ATF7IP: variants seen among roughly 807,000 people sequenced by gnomAD.
ATF7IP encodes the protein activating transcription factor 7 interacting protein.
Under a neutral mutation model 106.4 loss-of-function variants are expected in ATF7IP, and 23 were observed. That is an observed-to-expected ratio of 0.22 (90% CI 0.16 to 0.31). The LOEUF (loss-of-function observed/expected upper bound fraction) is 0.31, where lower values mean the gene tolerates loss of function less well. Ranked by LOEUF, ATF7IP falls within the 10% of genes least tolerant of loss-of-function variation. ATF7IP has a pLI of 1.00. For missense variants in ATF7IP, 1,334 were observed against 1,524.3 expected, an observed-to-expected ratio of 0.88 and a Z score of 2.08; for synonymous variants, 542 against 539.0, an observed-to-expected ratio of 1.01 and a Z score of -0.08.
intron 5 of ATF7IP, among the ~76,000 whole-genome samples, chr12:14,446,003 TTTTG>T (rs1591878295): frequency 6.6e-6 from 1 of 152,170 alleles, no homozygotes; most frequent in East Asian, 1.9e-4. Flanking sequence ...TTATTTTTCT[TTTTG>T]TTCTGCTTTT....
intron 13 of ATF7IP, among the ~76,000 whole-genome samples, chr12:14,485,421 C>G (rs1944570055): frequency 6.6e-6 from 1 of 152,110 alleles, no homozygotes; most frequent in Non-Finnish European, 1.5e-5. Context: ...TAGAAGGTCC[C>G]TGCATTTAGT....
At chr12:14,494,067 C>T (rs1038320722) in intron 13 of ATF7IP, among the ~76,000 whole-genome samples, 1 of 151,662 alleles carries the variant, frequency 6.6e-6, no homozygotes, top group African/African-American at 2.4e-5. Flanking sequence ...ATTTATTTTG[C>T]ATAACCCTCT....
intron 1 of ATF7IP, among the ~76,000 whole-genome samples, chr12:14,388,164 C>G (rs950104578): frequency 1.5e-4 from 23 of 152,008 alleles, no homozygotes; most frequent in Non-Finnish European, 1.3e-4. Context: ...ATTCTCCTGT[C>G]TCAGCCTCCC....
At chr12:14,445,135 C>T (rs367682042) in intron 5 of ATF7IP, among the ~76,000 whole-genome samples, 9 of 151,636 alleles carry the variant, frequency 5.9e-5, no homozygotes, top group South Asian at 2.1e-4. Context: ...GGACTACAGG[C>T]GCGCGCCACC....
At chr12:14,431,498 G>A (rs976504825) in intron 2 of ATF7IP, among the ~76,000 whole-genome samples, 1 of 151,614 alleles carries the variant, frequency 6.6e-6, no homozygotes, top group Non-Finnish European at 1.5e-5. Flanking sequence ...GGGTTCAAGC[G>A]ACTCTCCTGT....
intron 1 of ATF7IP, among the ~76,000 whole-genome samples, chr12:14,393,922 G>T (rs1300556793): frequency 6.6e-6 from 1 of 152,168 alleles, no homozygotes; most frequent in Non-Finnish European, 1.5e-5. Flanking sequence ...GATCTGGCCA[G>T]TAAAAACAAT....
intron 10 of ATF7IP, among the ~76,000 whole-genome samples, chr12:14,468,126 G>C: frequency 6.6e-6 from 1 of 151,968 alleles, no homozygotes; most frequent in East Asian, 1.9e-4. Context: ...AATTTGCCTG[G>C]TGTGGTGACG....
Position 14,460,875 on chromosome 12 carries a change from G to A in ATF7IP, c.2539G>A (p.Val847Ile), listed in dbSNP as rs781501049. The change falls in exon 9 of 15, where the codon GTT (valine) becomes ATT (isoleucine). Residue 847 changes from valine (V) to isoleucine (I), a missense_variant. By Grantham distance (29) the Val-to-Ile change is conservative (BLOSUM62 3). This residue lies in a region of ATF7IP where 370 missense variants were observed against 401.2 expected (regional missense o/e 0.92). Coordinates refer to ENST00000261168, the MANE Select transcript of ATF7IP (RefSeq NM_018179.5). Reference sequence around the variant, plus strand: ...GCCAAATCCCACTAAACCAAACAACGTTCCTTCTGTGCCCAGTCCTAGTAT... The same window carrying A: ...GCCAAATCCCACTAAACCAAACAACATTCCTTCTGTGCCCAGTCCTAGTAT... ...SLPNPTKPNN[V>I]PSVPSPSIQR... is the part of the protein sequence containing the mutation. 2.1e-5 allele frequency: 34 copies of A among 1,614,080 alleles called. No homozygotes were observed. In the Middle Eastern group the frequency reaches 8.2e-4, roughly 39 times the overall value.
chr12:14,463,375 A>G (rs796852236), intron 9 of ATF7IP, among the ~76,000 whole-genome samples: 7 of 152,298 alleles, frequency 4.6e-5, no homozygotes, highest in African/African-American at 1.4e-4. Flanking sequence ...AGCTCAAACT[A>G]TAGCTAATTT....
chr12:14,388,487 C>T (rs1379856034), intron 1 of ATF7IP, among the ~76,000 whole-genome samples: 1 of 152,100 alleles, frequency 6.6e-6, no homozygotes, highest in East Asian at 1.9e-4. Context: ...GCTGACATTA[C>T]AGGCGCCCAT....
chr12:14,476,009 A>AT (rs752415053), intron 11 of ATF7IP, 41 bp downstream of exon 11: 71 of 1,468,930 alleles, frequency 4.8e-5, no homozygotes, highest in Middle Eastern at 1.7e-4. Context: ...TTTTGATACC[A>AT]TTTTTTTTGT....
chr12:14,470,322 G>A (rs937057961), intron 10 of ATF7IP, among the ~76,000 whole-genome samples: 1 of 152,092 alleles, frequency 6.6e-6, no homozygotes, highest in African/African-American at 2.4e-5. Context: ...GGTCGTTTTG[G>A]AAAACGACAC....
Position 14,501,968 on chromosome 12 carries a change from A to T in ATF7IP, c.*3895A>T, listed in dbSNP as rs148560876. 6.6e-6 allele frequency: 1 copy of T among 152,346 alleles called. No homozygotes were observed. The highest frequency in any genetic ancestry group is 1.5e-5 in the Non-Finnish European group (1 of 68,032). 9.4% of individuals were successfully genotyped at this position (152,346 alleles called of 1,614,324 possible). A position where few individuals can be genotyped will look rare whatever the true frequency, so the allele number is the denominator to read the frequency against. ...CAGTACTGTACAAGGTCAACAAAGT[A>T]ATGCCTGTGGTATCCTCATCTCTCA... On this transcript the variant is annotated 3_prime_UTR_variant, in exon 15 of 15. Transcript: ENST00000261168.
chr12:14,457,228 G>C lies in ATF7IP; in HGVS notation c.2091G>C (p.Gln697His). Residue 697 changes from glutamine to histidine, a missense_variant, in exon 8 of 15, where the codon CAG (glutamine) becomes CAC (histidine). By Grantham distance (24) the Gln-to-His change is conservative (BLOSUM62 0). Around this residue, in one of 10 missense-constraint regions of ATF7IP, gnomAD observed 171 missense variants for 172.6 expected, o/e 0.99. Transcript: ENST00000261168. ...ATAGAAATGCAGGCACAGTGAGACA[G>C]ATGCTGGAGTCCAAAAGAAATGTAA... ...MSYRNAGTVRQMLESKRNVSE... is the reference protein window; with the variant it reads ...MSYRNAGTVRHMLESKRNVSE... 2 of 1,613,900 alleles carry C rather than the reference G, an allele frequency of 1.2e-6. No homozygotes were observed. The highest frequency in any genetic ancestry group is 1.7e-6 in the Non-Finnish European group (2 of 1,179,870).
intron 1 of ATF7IP, among the ~76,000 whole-genome samples, chr12:14,385,566 G>A (rs530239490): frequency 6.6e-6 from 1 of 152,136 alleles, no homozygotes; most frequent in Admixed American, 6.5e-5. Context: ...TACATAGCAT[G>A]GTGGGGTCAA....
At position 14,424,718 on chromosome 12, in the gene ATF7IP, A is replaced by G. The variant is rs1941745063; in HGVS notation, c.803A>G (p.Asp268Gly). The part of the protein sequence containing the change: ...DLSSSELASD[D>G]LATGELASDE... ...TCCTCTAGTGAACTGGCCTCTGATG[A>G]TCTGGCCACTGGTGAACTGGCCTCT... Residue 268 changes from aspartate (D) to glycine (G), a missense_variant, in exon 2 of 15, where the codon GAT becomes GGT. Physicochemically the swap from Asp to Gly is moderately conservative, Grantham distance 94. This residue lies in a region of ATF7IP where 438 missense variants were observed against 405.3 expected (regional missense o/e 1.08). Transcript: ENST00000261168. 2 of 1,614,130 alleles carry G rather than the reference A, an allele frequency of 1.2e-6. No homozygotes were observed. The highest frequency in any genetic ancestry group is 2.2e-5 in the South Asian group (2 of 91,082).
chr12:14,466,553 C>G lies in ATF7IP; in HGVS notation c.2825C>G (p.Ala942Gly). ...IENQTNKTID[A>G]SVSKKAADST... ...AACCAGACAAACAAAACAATAGATG[C>G]TTCTGTCAGTAAGAAAGCAGCTGAT... Residue 942 changes from alanine to glycine, a missense_variant, in exon 10 of 15, where the codon GCT becomes GGT. Coordinates refer to ENST00000261168, the MANE Select transcript of ATF7IP (RefSeq NM_018179.5). The G allele has an allele frequency of 6.2e-7, 1 of 1,603,310 alleles. No individual in the cohort carries two copies. The highest frequency in any genetic ancestry group is 1.1e-5 in the South Asian group (1 of 88,226).
At chr12:14,497,029 G>A (rs549195544) in intron 14 of ATF7IP, among the ~76,000 whole-genome samples, 12 of 152,116 alleles carry the variant, frequency 7.9e-5, no homozygotes, top group Non-Finnish European at 1.3e-4. Context: ...TTGTCCATAC[G>A]TCCCCTCACT....
At chr12:14,471,248 C>T (rs1351290447) in intron 10 of ATF7IP, among the ~76,000 whole-genome samples, 5 of 152,126 alleles carry the variant, frequency 3.3e-5, no homozygotes, top group Admixed American at 6.5e-5. Context: ...AAAGATTATG[C>T]TGCTATTGGG....
Sources: allele counts gnomAD v4.1 joint callset (sites outside exome capture counted in the v4.1 genomes callset), GRCh38; gene constraint gnomAD v4.1.1; regional missense constraint gnomAD v4.1.1; transcripts MANE v1.5; gene names NCBI Gene and HGNC (gene_info 2026-07-23, HGNC 2026-07-21).